The following PRKAG2 variants were observed in gnomAD, a reference collection of about 807,000 sequenced individuals.
PRKAG2 encodes the protein protein kinase AMP-activated non-catalytic subunit gamma 2.
PRKAG2 carries 26 observed loss-of-function variants against 69.6 expected under a neutral mutation model. The ratio of observed to expected loss-of-function variants is 0.37; its 90% confidence interval spans 0.27 to 0.52. The LOEUF is 0.52. Among genes scored for constraint, PRKAG2 ranks in the 20% least tolerant of loss-of-function variants. The probability of loss-of-function intolerance (pLI) is 0.90; values close to 1 mark genes in which losing one functional copy is unlikely to be tolerated. For missense variants in PRKAG2, 557 were observed against 740.0 expected (o/e 0.75, Z 2.87); for synonymous variants, 293 against 285.0 (o/e 1.03, Z -0.28).
chr7:151,565,480 A>G lies in PRKAG2; in HGVS notation c.1400-97T>C, dbSNP rs550467524. ...ATGACATAATTACTAAAAGTTAAAC[A>G]CTGATAAATAACCTTGTCTATTTTA... is the stretch of plus-strand genomic sequence containing the variant. On this transcript the variant is annotated intron_variant, in intron 12 of 15. Transcript: ENST00000287878. 1.0e-5 allele frequency: 10 copies of G among 997,314 alleles called. No homozygotes were observed. The East Asian group carries it at 2.4e-4, about 24-fold the overall frequency. The allele number at this position is 997,314 out of a possible 1,614,324, so 61.8% of individuals were successfully genotyped here. A position where few individuals can be genotyped will look rare whatever the true frequency, so the allele number is the denominator to read the frequency against.
chr7:151,876,143 G>A (rs1233905207), intron 1 of PRKAG2, among the ~76,000 whole-genome samples: 1 of 148,304 alleles, frequency 6.7e-6, no homozygotes, highest in African/African-American at 2.5e-5. Context: ...CCGGAGCGCA[G>A]TCCACACCGT....
chr7:151,561,905 C>T (rs371428971), intron 14 of PRKAG2, among the ~76,000 whole-genome samples: 16 of 143,236 alleles, frequency 1.1e-4, no homozygotes, highest in African/African-American at 4.2e-4. Context: ...TGCACTCCAG[C>T]CTGGGCGACA....
chr7:151,827,765 A>AAAAC (rs897353483), intron 1 of PRKAG2, among the ~76,000 whole-genome samples: 1 of 150,434 alleles, frequency 6.6e-6, no homozygotes, highest in Non-Finnish European at 1.5e-5. Context: ...AAAAAAAAAA[A>AAAAC]AAAAAAAAAC....
At chr7:151,585,126 TCA>T (rs1811336470) in intron 6 of PRKAG2, among the ~76,000 whole-genome samples, 1 of 152,088 alleles carries the variant, frequency 6.6e-6, no homozygotes, top group Non-Finnish European at 1.5e-5. Context: ...TAAAAAAGCA[TCA>T]AATTTCTCTC....
intron 3 of PRKAG2, among the ~76,000 whole-genome samples, chr7:151,703,705 A>G (rs900894781): frequency 2.0e-5 from 3 of 151,988 alleles, no homozygotes; most frequent in African/African-American, 7.3e-5. Flanking sequence ...TTCTTTTTCT[A>G]TTTAAAAAAA....
At chr7:151,791,700 C>T (rs982646386) in intron 1 of PRKAG2, among the ~76,000 whole-genome samples, 1 of 152,246 alleles carries the variant, frequency 6.6e-6, no homozygotes, top group Non-Finnish European at 1.5e-5. Flanking sequence ...AGCCCTAAAT[C>T]TGAGAGAATT....
In PRKAG2 at chr7:151,756,274, G is replaced by A. The variant is rs936017014; in HGVS notation, c.466+24878C>T. On this transcript the variant is annotated intron_variant, in intron 3 of 15. Coordinates refer to ENST00000287878, the MANE Select transcript of PRKAG2 (RefSeq NM_016203.4). This position sits in a 1 kb window ranked among gnomAD's most constrained non-coding sequence, Gnocchi z 4.9. ...CACACACCACACACGTGACTGCAAC[G>A]AAGGAAGTGTGGGTTCCTTTTAACG... 6.6e-6 allele frequency among the ~76,000 whole-genome samples: 1 copy of A among 152,218 alleles called. No individual in the cohort carries two copies. The highest frequency in any genetic ancestry group is 1.5e-5 in the Non-Finnish European group (1 of 68,048).
intron 4 of PRKAG2, among the ~76,000 whole-genome samples, chr7:151,672,831 G>A (rs940434405): frequency 2.6e-5 from 4 of 152,056 alleles, no homozygotes; most frequent in East Asian, 3.9e-4. Flanking sequence ...TGCCAGCCGC[G>A]TGCTGGGCAC....
At position 151,632,577 on chromosome 7, in the gene PRKAG2, A is replaced by C; in HGVS notation, c.685-439T>G. 1 of 983,192 alleles carries C rather than the reference A, an allele frequency of 1.0e-6. No homozygotes were observed. Among genetic ancestry groups the C allele is most frequent in the South Asian group, 4.7e-5 (1 of 21,118 alleles). 60.9% of individuals were successfully genotyped at this position (983,192 alleles called of 1,614,324 possible). A position where few individuals can be genotyped will look rare whatever the true frequency, so the allele number is the denominator to read the frequency against. On this transcript the variant is annotated intron_variant, in intron 4 of 15. Transcript: ENST00000287878. This position sits in a 1 kb window ranked among gnomAD's most constrained non-coding sequence, Gnocchi z 4.2. ...GCCCCCCGGCGCCGCTCACCTTCCC[A>C]GCACCGGCGGCCGCGCTCGGCAGGC...
At chr7:151,832,736 G>C (rs371747369) in intron 1 of PRKAG2, among the ~76,000 whole-genome samples, 77 of 152,168 alleles carry the variant, frequency 5.1e-4, no homozygotes, top group African/African-American at 1.6e-3. Context: ...GGACTGAGGC[G>C]ACAAAAGCTC....
Position 151,786,429 on chromosome 7 carries a change from C to T in PRKAG2, c.186+41G>A, listed in dbSNP as rs140869294. On this transcript the variant is annotated intron_variant, in intron 2 of 15. Coordinates refer to ENST00000287878, the MANE Select transcript of PRKAG2 (RefSeq NM_016203.4). ...CAGGCTCTGCCTGCCTCCGTGGCAC[C>T]TCAAGTGAGCTGTGAGAAACTTCTG... 1.8e-4 allele frequency: 279 copies of T among 1,566,328 alleles called. 1 individual carries two copies. The African/African-American group carries it at 3.1e-3, about 18-fold the overall frequency.
At chr7:151,869,743 G>A (rs537217960) in intron 1 of PRKAG2, among the ~76,000 whole-genome samples, 29 of 152,364 alleles carry the variant, frequency 1.9e-4, no homozygotes, top group African/African-American at 6.0e-4. Flanking sequence ...CACTGAGGAC[G>A]ACCCTCGCTG....
At position 151,568,700 on chromosome 7, in the gene PRKAG2, G is replaced by A. The variant is rs1226861026; in HGVS notation, c.1233+16C>T. The stretch of plus-strand genomic sequence containing the variant: ...TAAATGCAATTATGTCTTTAGAAAC[G>A]CTAAAAACTACTTACAAAAAGCTGG... On this transcript the variant is annotated intron_variant, in intron 11 of 15. Coordinates refer to ENST00000287878, the MANE Select transcript of PRKAG2 (RefSeq NM_016203.4). The A allele has an allele frequency of 3.1e-6, 5 of 1,612,264 alleles. No individual in the cohort carries two copies. In the South Asian group the frequency reaches 3.3e-5, roughly 11 times the overall value.
intron 1 of PRKAG2, among the ~76,000 whole-genome samples, chr7:151,857,181 C>T (rs951889982): frequency 1.1e-4 from 16 of 148,792 alleles, no homozygotes; most frequent in Admixed American, 6.7e-4. Flanking sequence ...GCACAGAACG[C>T]GCAGCATCCT....
chr7:151,568,204 C>T (rs1440753108), intron 11 of PRKAG2, among the ~76,000 whole-genome samples: 1 of 152,204 alleles, frequency 6.6e-6, no homozygotes, highest in Non-Finnish European at 1.5e-5. Context: ...CAGGTTAATA[C>T]AGGCCTTATT....
rs114001267 is a variant in PRKAG2, at chr7:151,762,274, T to C, written c.466+18878A>G. Reference sequence around the variant, plus strand: ...CTACACGCATCTCCAGGGTGGGAAATGACTTTCCGCAGTAGGCAGGCAACT... The same window carrying C: ...CTACACGCATCTCCAGGGTGGGAAACGACTTTCCGCAGTAGGCAGGCAACT... On this transcript the variant is annotated intron_variant, in intron 3 of 15. Coordinates refer to ENST00000287878, the MANE Select transcript of PRKAG2 (RefSeq NM_016203.4). Among the ~76,000 whole-genome samples, 784 of 152,240 alleles carry C rather than the reference T, an allele frequency of 5.1e-3. 4 individuals carry two copies. Among genetic ancestry groups the C allele is most frequent in the African/African-American group, 0.017 (723 of 41,540 alleles).
At chr7:151,775,671 C>T (rs535190162) in intron 3 of PRKAG2, among the ~76,000 whole-genome samples, 7 of 152,356 alleles carry the variant, frequency 4.6e-5, no homozygotes, top group African/African-American at 1.7e-4. Context: ...CGATTAATGT[C>T]TGCTAGAGAC....
chr7:151,744,712 C>A (rs1016887422), intron 3 of PRKAG2, among the ~76,000 whole-genome samples: 1 of 152,186 alleles, frequency 6.6e-6, no homozygotes, highest in Non-Finnish European at 1.5e-5. Flanking sequence ...TCCCTCCATG[C>A]GCCTCCATTC....
intron 5 of PRKAG2, among the ~76,000 whole-genome samples, chr7:151,597,390 A>G (rs956457774): frequency 6.6e-6 from 1 of 152,252 alleles, no homozygotes; most frequent in African/African-American, 2.4e-5. Context: ...ATAAAGCCTC[A>G]AAAGCACATG....
Sources: allele counts gnomAD v4.1 joint callset (sites outside exome capture counted in the v4.1 genomes callset), GRCh38; gene constraint gnomAD v4.1.1; non-coding constraint Gnocchi (gnomAD v3.1); transcripts MANE v1.5; gene names NCBI Gene and HGNC (gene_info 2026-07-23, HGNC 2026-07-21).